Variants in ZNF99 observed in about 807,000 individuals in gnomAD.
ZNF99 encodes the protein zinc finger protein 99, also known as zinc finger protein ENSP00000375192.
In ZNF99, 8 loss-of-function variants were observed where a neutral mutation model predicts 12.8. The ratio of observed to expected loss-of-function variants is 0.62; its 90% CI spans 0.37 to 1.13. The LOEUF (loss-of-function observed/expected upper bound fraction) is 1.13. Among genes scored for constraint, ZNF99 ranks in the 50% most tolerant of loss-of-function variants. The pLI is 0.02. For missense variants in ZNF99, 1,007 were observed against 1,006.2 expected (o/e 1.00, Z -0.01); for synonymous variants, 318 against 319.0 (o/e 1.00, Z 0.03).
Position 22,759,436 on chromosome 19 carries a change from G to T in ZNF99, c.473C>A (p.Ser158Ter). The change falls in exon 4 of 4, where the codon TCA (serine) becomes TAA (stop). Residue 158 changes from serine (S) to a stop codon, truncating the protein, a stop_gained. Transcript: ENST00000596209. LOFTEE classifies it low-confidence loss of function (END_TRUNC). ...NKYVKVFHKY[S>*]NSNRYKIRHT... is the part of the protein sequence containing the mutation. ...TCTAATCTTATATCTATTTGAATTT[G>T]AATATTTATGAAAGACTTTCACATA... The T allele has an allele frequency of 6.3e-7, 1 of 1,591,214 alleles. No individual in the cohort carries two copies. Among genetic ancestry groups the T allele is most frequent in the South Asian group, 1.1e-5 (1 of 87,432 alleles).
intron 1 of ZNF99, chr19:22,769,992 G>C (rs1973249012): frequency 7.4e-7 from 1 of 1,354,746 alleles, no homozygotes; most frequent in African/African-American, 1.5e-5. Context: ...TGTTGAGTTA[G>C]AAGACACCTC....
At chr19:22,774,981 T>C (rs1568387582) in intron 1 of ZNF99, among the ~76,000 whole-genome samples, 3 of 152,184 alleles carry the variant, frequency 2.0e-5, no homozygotes, top group Admixed American at 6.6e-5. Context: ...AAAATGGCCA[T>C]ACTACCCAAA....
chr19:22,763,888 CT>C (rs201446630), intron 3 of ZNF99, among the ~76,000 whole-genome samples: 14 of 102,690 alleles, frequency 1.4e-4, no homozygotes, highest in Middle Eastern at 5.1e-3. Context: ...AAAGGATACT[CT>C]TTTTTTTTTC....
At chr19:22,762,217 C>T (rs55903742) in intron 3 of ZNF99, among the ~76,000 whole-genome samples, 6 of 151,612 alleles carry the variant, frequency 4.0e-5, no homozygotes, top group Non-Finnish European at 7.4e-5. Context: ...CTCTTTAAAA[C>T]GCATAAATAC....
rs149754423 is a variant in ZNF99 at position 22,783,132 on chromosome 19, T to C, written c.3+882A>G. Among the ~76,000 whole-genome samples the C allele has an allele frequency of 4.3e-3, 661 of 152,054 alleles. 8 individuals are homozygous for C. Among genetic ancestry groups the C allele is most frequent in the African/African-American group, 0.015 (631 of 41,530 alleles). The stretch of plus-strand genomic sequence containing the variant: ...TCGTCTCTACTAAAAACACAAAAAT[T>C]AGCCGGGTGTGGTGGCGGATGCCTG... On this transcript the variant is annotated intron_variant, in intron 1 of 3. Transcript: ENST00000596209.
intron 1 of ZNF99, 142 bp downstream of exon 1, chr19:22,783,872 A>T (rs1043027045): frequency 5.5e-6 from 6 of 1,100,110 alleles, no homozygotes; most frequent in Non-Finnish European, 8.3e-6. Context: ...TGGCTGAAGG[A>T]GACTGAGGCC....
intron 2 of ZNF99, 101 bp from the exon 3 acceptor site, chr19:22,768,501 C>T: frequency 1.1e-6 from 1 of 921,184 alleles, no homozygotes; most frequent in Non-Finnish European, 1.6e-6. Context: ...ATTGATCCCT[C>T]AATACTAATT....
intron 3 of ZNF99, among the ~76,000 whole-genome samples, chr19:22,767,327 A>G (rs1250779101): frequency 2.0e-5 from 3 of 152,176 alleles, no homozygotes; most frequent in African/African-American, 4.8e-5. Flanking sequence ...AAGATGCCTG[A>G]GTGGCTTAAG....
chr19:22,771,878 C>T (rs1489922755), intron 1 of ZNF99, among the ~76,000 whole-genome samples: 4 of 138,978 alleles, frequency 2.9e-5, no homozygotes, highest in East Asian at 2.2e-4. Flanking sequence ...CCACCACGCC[C>T]GGCTAATTTT....
chr19:22,761,191 A>G (rs1036805938), intron 3 of ZNF99, among the ~76,000 whole-genome samples: 17 of 152,142 alleles, frequency 1.1e-4, no homozygotes, highest in Non-Finnish European at 2.1e-4. Context: ...TGAATAAGAG[A>G]CATAGGAACA....
chr19:22,778,275 C>G (rs2145159618), intron 1 of ZNF99, among the ~76,000 whole-genome samples: 1 of 152,152 alleles, frequency 6.6e-6, no homozygotes, highest in Middle Eastern at 3.4e-3. Flanking sequence ...GGCCTGTGTA[C>G]AGAAAAGCAG....
chr19:22,762,963 C>T (rs1302836737), intron 3 of ZNF99, among the ~76,000 whole-genome samples: 1 of 152,104 alleles, frequency 6.6e-6, no homozygotes, highest in East Asian at 1.9e-4. Flanking sequence ...CTTAGCAACA[C>T]TGGCATACAA....
intron 1 of ZNF99, among the ~76,000 whole-genome samples, chr19:22,779,247 C>T (rs1009597406): frequency 4.7e-5 from 7 of 149,526 alleles, no homozygotes; most frequent in African/African-American, 1.5e-4. Context: ...TAAATCGGGC[C>T]GGGCGCGGTA....
Position 22,758,344 on chromosome 19 carries a change from G to A in ZNF99, c.1565C>T (p.Ser522Leu), listed in dbSNP as rs750390040. Reference sequence around the variant, plus strand: ...AATTATCTTATGTTTTCTAAGGGCTGAGAAATGCTTAAAAGCTTTGCCACA... The same window carrying A: ...AATTATCTTATGTTTTCTAAGGGCTAAGAAATGCTTAAAAGCTTTGCCACA... ...EECGKAFKHF[S>L]ALRKHKIIHT... Residue 522 changes from serine (S) to leucine (L), a missense_variant, in exon 4 of 4, where the codon TCA (serine) becomes TTA (leucine). Coordinates refer to ENST00000596209, the MANE Select transcript of ZNF99 (RefSeq NM_001080409.3). 3 of 1,613,328 alleles carry A rather than the reference G, an allele frequency of 1.9e-6. No homozygotes were observed. The highest frequency in any genetic ancestry group is 2.5e-6 in the Non-Finnish European group (3 of 1,179,692).
Position 22,758,536 on chromosome 19 carries a change from C to T in ZNF99, c.1373G>A (p.Cys458Tyr), listed in dbSNP as rs764305477. 6 of 1,612,830 alleles carry T rather than the reference C, an allele frequency of 3.7e-6. No homozygotes were observed. The South Asian group carries it at 4.4e-5, about 12-fold the overall frequency. The change falls in exon 4 of 4, where the codon TGC becomes TAC. Residue 458 changes from cysteine (C) to tyrosine (Y), a missense_variant. Physicochemically the swap from Cys to Tyr is radical, Grantham distance 194. Coordinates refer to ENST00000596209, the MANE Select transcript of ZNF99 (RefSeq NM_001080409.3). The stretch of plus-strand genomic sequence containing the variant: ...TGAAAAATTGCTAAAAGCTTTGCTG[C>T]ATTCTTCACATTTGTAGGGTTGCTT... Reference protein sequence around the residue: ...TGKQPYKCEECSKAFSNFSAL... With the variant: ...TGKQPYKCEEYSKAFSNFSAL...
chr19:22,770,941 CTT>C (rs201118872), intron 1 of ZNF99: 13 of 142,952 alleles, frequency 9.1e-5, no homozygotes, highest in South Asian at 2.2e-4. Context: ...TTTTTCAGAA[CTT>C]TTTTTTTTTT....
At chr19:22,775,493 GAACT>G (rs1319371029) in intron 1 of ZNF99, among the ~76,000 whole-genome samples, 8 of 152,208 alleles carry the variant, frequency 5.3e-5, no homozygotes, top group South Asian at 2.1e-4. Context: ...TTACACATGG[GAACT>G]AACTAAGATT....
rs768214506 is a variant in ZNF99, at chr19:22,758,485, T to C, written c.1424A>G (p.His475Arg). Residue 475 changes from histidine to arginine, a missense_variant, in exon 4 of 4, where the codon CAT becomes CGT. His to Arg is a conservative substitution (Grantham distance 29). Coordinates refer to ENST00000596209, the MANE Select transcript of ZNF99 (RefSeq NM_001080409.3). ...ACATTTGTAGGGTTTCTCTCCAGTA[T>C]GAATTATCTCATGTTTTCTAAGGGC... ...FSALRKHEII[H>R]TGEKPYKCEE... 17 of 1,613,320 alleles carry C rather than the reference T, an allele frequency of 1.1e-5. No homozygotes were observed. Among genetic ancestry groups the C allele is most frequent in the Non-Finnish European group, 8.5e-7 (1 of 1,179,716 alleles).
Position 22,753,380 on chromosome 19 carries a change from G to C in ZNF99, c.*3934C>G, listed in dbSNP as rs1972998309. 6.6e-6 allele frequency: 1 copy of C among 151,954 alleles called. No homozygotes were observed. The highest frequency in any genetic ancestry group is 2.1e-4 in the South Asian group (1 of 4,828). The allele number at this position is 151,954 out of a possible 1,614,324, so 9.4% of individuals were successfully genotyped here. A position where few individuals can be genotyped will look rare whatever the true frequency, so the allele number is the denominator to read the frequency against. ...TACTGTGAATTCTCTGACATTTACA[G>C]AGTTAATTTTGGATTGAATATTTTT... On this transcript the variant is annotated 3_prime_UTR_variant, in exon 4 of 4. Transcript: ENST00000596209.
Sources: gnomAD v4.1 joint callset for allele counts (sites outside exome capture counted in the v4.1 genomes callset) on GRCh38, gnomAD v4.1.1 for gene constraint, MANE v1.5 for transcripts, NCBI Gene and HGNC (gene_info 2026-07-23, HGNC 2026-07-21) for gene names.